The following KLRG1 variants were observed in gnomAD, a reference collection of about 807,000 sequenced individuals.
KLRG1 encodes killer cell lectin like receptor G1.
KLRG1 carries 16 observed loss-of-function variants against 21.8 expected under a neutral mutation model. The ratio of observed to expected loss-of-function variants is 0.73; its 90% CI spans 0.50 to 1.11. KLRG1 has a LOEUF of 1.11. Ranked by LOEUF, KLRG1 falls within the 50% of genes most tolerant of loss-of-function variation. The pLI is 0.00. For synonymous variants in KLRG1, 69 were observed against 75.9 expected, an observed-to-expected ratio of 0.91 and a Z score of 0.47; for missense variants, 173 against 218.3, an observed-to-expected ratio of 0.79 and a Z score of 1.31.
At chr12:9,026,204 G>T in the KLRG1 span, among the ~76,000 whole-genome samples, 2 of 152,174 alleles carry the variant, frequency 1.3e-5, no homozygotes, top group Non-Finnish European at 2.9e-5. Flanking sequence ...CCAGAAGTAG[G>T]CAAGAAACCC....
chr12:9,089,859 A>G, the KLRG1 span: 2 of 1,293,458 alleles, frequency 1.5e-6, no homozygotes, highest in Non-Finnish European at 2.1e-6. Context: ...ACCCACATAT[A>G]TTATATATTA....
At chr12:9,162,565 A>C in the KLRG1 span, 6 of 1,497,294 alleles carry the variant, frequency 4.0e-6, no homozygotes, top group Non-Finnish European at 5.5e-6. Context: ...TGTGGTTTTG[A>C]TCTCACTATG....
At chr12:9,202,543 A>G in the KLRG1 span, 3 of 1,614,036 alleles carry the variant, frequency 1.9e-6, no homozygotes, top group Admixed American at 3.3e-5. Flanking sequence ...CCTGGTTTAT[A>G]CATGGGTTTG....
chr12:9,116,609 C>G, the KLRG1 span, among the ~76,000 whole-genome samples: 167 of 152,296 alleles, frequency 1.1e-3, no homozygotes, highest in African/African-American at 3.8e-3. Flanking sequence ...TTACTGCCTT[C>G]CAAATATGAT....
At chr12:9,076,810 GGTTA>G in the KLRG1 span, 1 of 1,613,940 alleles carries the variant, frequency 6.2e-7, no homozygotes, top group Non-Finnish European at 8.5e-7. Flanking sequence ...CTCTTGTCCT[GGTTA>G]CCTGCCAGGG....
At chr12:9,171,197 C>T in the KLRG1 span, among the ~76,000 whole-genome samples, 15 of 152,266 alleles carry the variant, frequency 9.9e-5, no homozygotes, top group South Asian at 1.0e-3. Context: ...GATACTTCCA[C>T]GTACGGGAGA....
At chr12:8,981,064 T>C (rs1946747410) in intron 1 of KLRG1, among the ~76,000 whole-genome samples, 1 of 152,214 alleles carries the variant, frequency 6.6e-6, no homozygotes, top group South Asian at 2.1e-4. Context: ...ACTCCAGAAC[T>C]CTCCCAGAGC....
the KLRG1 span, among the ~76,000 whole-genome samples, chr12:9,134,285 G>T: frequency 6.6e-6 from 1 of 152,148 alleles, no homozygotes; most frequent in African/African-American, 2.4e-5. Context: ...TCAAGATGGA[G>T]GCTATAATCC....
chr12:9,170,333 T>C, the KLRG1 span, among the ~76,000 whole-genome samples: 4 of 152,156 alleles, frequency 2.6e-5, no homozygotes, highest in African/African-American at 9.7e-5. The surrounding 1 kb of genome is among the most constrained non-coding windows in gnomAD (Gnocchi z 4.6). Flanking sequence ...TTGGGTCTGA[T>C]ACACAAAGCT....
At chr12:9,196,753 C>T in the KLRG1 span, 5 of 1,376,360 alleles carry the variant, frequency 3.6e-6, no homozygotes, top group African/African-American at 7.3e-5. Flanking sequence ...ATCTACTATT[C>T]TGTCTCTAAT....
chr12:9,147,363 C>T, the KLRG1 span, among the ~76,000 whole-genome samples: 1 of 152,150 alleles, frequency 6.6e-6, no homozygotes, highest in Non-Finnish European at 1.5e-5. Flanking sequence ...TGAAGTAACC[C>T]CTTCTCTCCC....
chr12:9,165,625 C>T, the KLRG1 span, among the ~76,000 whole-genome samples: 22 of 152,008 alleles, frequency 1.4e-4, no homozygotes, highest in Admixed American at 1.2e-3. Flanking sequence ...ATTTGAATTG[C>T]GATTCATTTT....
chr12:9,035,511 T>C, the KLRG1 span, among the ~76,000 whole-genome samples: 1 of 150,966 alleles, frequency 6.6e-6, no homozygotes, highest in Non-Finnish European at 1.5e-5. Flanking sequence ...GACGGGTTGA[T>C]GGGTGCAGCA....
chr12:9,169,623 G>C, the KLRG1 span: 2 of 1,529,600 alleles, frequency 1.3e-6, no homozygotes, highest in East Asian at 4.7e-5. Flanking sequence ...AGGCAGAACT[G>C]TTACTTACTT....
the KLRG1 span, among the ~76,000 whole-genome samples, chr12:9,176,546 T>C: frequency 5.2e-5 from 8 of 152,382 alleles, no homozygotes; most frequent in Admixed American, 5.2e-4. Flanking sequence ...AATGAACTTA[T>C]GCCATTATAT....
At chr12:8,988,861 CG>C (rs2137317717), upstream of KLRG1, among the ~76,000 whole-genome samples, 1 of 152,272 alleles carries the variant, frequency 6.6e-6, no homozygotes, top group African/African-American at 2.4e-5. Context: ...GGATTACAGG[CG>C]TGAGCCACCA....
At chr12:8,974,641 T>C (rs1004234552) in intron 1 of KLRG1, among the ~76,000 whole-genome samples, 3 of 152,222 alleles carry the variant, frequency 2.0e-5, no homozygotes, top group Non-Finnish European at 4.4e-5. Context: ...AAAGAGTTTT[T>C]TCATTATGTT....
intron 1 of KLRG1, among the ~76,000 whole-genome samples, chr12:8,972,222 A>G (rs1946581395): frequency 3.9e-5 from 6 of 152,138 alleles, no homozygotes; most frequent in South Asian, 2.1e-4. Context: ...CAGTGGCGCA[A>G]TCTCAGCTCA....
chr12:9,158,416 T>A, the KLRG1 span: 1 of 1,614,102 alleles, frequency 6.2e-7, no homozygotes, highest in East Asian at 2.2e-5. Flanking sequence ...GTGGAACAGT[T>A]CACCTTTATG....
Sources: gnomAD v4.1 joint callset for allele counts (sites outside exome capture counted in the v4.1 genomes callset) on GRCh38, gnomAD v4.1.1 for gene constraint, Gnocchi (gnomAD v3.1) non-coding constraint, MANE v1.5 for transcripts, NCBI Gene and HGNC (gene_info 2026-07-23, HGNC 2026-07-21) for gene names.